C3orf52: variants seen among roughly 807,000 people sequenced by gnomAD.
C3orf52 encodes the protein TPA-induced transmembrane protein.
C3orf52 carries 22 observed loss-of-function variants against 24.8 expected under a neutral mutation model. That is an observed-to-expected ratio of 0.89 (90% CI 0.63 to 1.27). The LOEUF (loss-of-function observed/expected upper bound fraction) is 1.27, where lower values mean the gene tolerates loss of function less well. C3orf52 is among the 50% of genes most tolerant of loss of function. The pLI is 0.00. For synonymous variants in C3orf52, 93 were observed against 100.2 expected, an observed-to-expected ratio of 0.93 and a Z score of 0.43; for missense variants, 265 against 260.7, an observed-to-expected ratio of 1.02 and a Z score of -0.11.
At chr3:112,136,207 T>C in the C3orf52 span, among the ~76,000 whole-genome samples, 1 of 152,260 alleles carries the variant, frequency 6.6e-6, no homozygotes, top group African/African-American at 2.4e-5. Flanking sequence ...AGTCCTCTTA[T>C]GTGAATACTA....
rs376505415 is a variant in C3orf52, at chr3:112,112,997, A to G, written c.501A>G (p.Gln167=). 6.2e-6 allele frequency: 10 copies of G among 1,608,610 alleles called. No homozygotes were observed. Among genetic ancestry groups the G allele is most frequent in the South Asian group, 2.2e-5 (2 of 89,518 alleles). The change falls in exon 5 of 6, where the codon CAA becomes CAG. Residue 167 remains glutamine (Q), a synonymous_variant. Transcript: ENST00000264848. ...GENATVTYDL[Q]FGVPSDDENF... is the part of the protein sequence containing the mutation. The stretch of plus-strand genomic sequence containing the variant: ...ATGCCACAGTAACGTATGACCTGCA[A>G]TTTGGGGTTCCATCAGATGATGAAA...
intron 4 of C3orf52, chr3:112,123,888 C>T (rs957267664): frequency 9.0e-6 from 10 of 1,107,206 alleles, no homozygotes; most frequent in African/African-American, 1.6e-5. Flanking sequence ...CCACCTCCTC[C>T]CCATCTCTTG....
chr3:112,114,420 A>T (rs1202554370), intron 5 of C3orf52, among the ~76,000 whole-genome samples: 1 of 151,468 alleles, frequency 6.6e-6, no homozygotes, highest in Non-Finnish European at 1.5e-5. Context: ...AAAAAAAAAA[A>T]AAGCCAGGCG....
downstream of C3orf52, chr3:112,129,992 C>T (rs1005190735): frequency 8.2e-5 from 13 of 157,962 alleles, no homozygotes; most frequent in Non-Finnish European, 1.7e-4. Context: ...ATGAGGTGGT[C>T]TTTGTTTAAC....
intron 5 of C3orf52, among the ~76,000 whole-genome samples, chr3:112,114,024 C>G (rs2107789839): frequency 6.6e-6 from 1 of 152,288 alleles, no homozygotes; most frequent in South Asian, 2.1e-4. Flanking sequence ...AGTAGGTTCT[C>G]AGTAAATACT....
chr3:112,111,438 A>G (rs2074081866), intron 4 of C3orf52: 1 of 152,256 alleles, frequency 6.6e-6, no homozygotes, highest in African/African-American at 2.4e-5. Flanking sequence ...GAACCTGGAA[A>G]AATGCCCTTT....
chr3:112,125,028 A>G (rs1268474265), intron 4 of C3orf52, among the ~76,000 whole-genome samples: 1 of 152,178 alleles, frequency 6.6e-6, no homozygotes, highest in African/African-American at 2.4e-5. Flanking sequence ...GTTCCTTTCA[A>G]TAAATTATAC....
downstream of C3orf52, chr3:112,134,680 T>G (rs2074532129): frequency 6.6e-6 from 1 of 152,264 alleles, no homozygotes; most frequent in African/African-American, 2.4e-5. Flanking sequence ...TGTGTACAAA[T>G]TTTTATATGT....
intron 1 of C3orf52, among the ~76,000 whole-genome samples, chr3:112,088,279 G>C (rs902330578): frequency 1.3e-5 from 2 of 152,174 alleles, no homozygotes; most frequent in African/African-American, 4.8e-5. Flanking sequence ...AAAATAAAGT[G>C]AAGTGTATTT....
downstream of C3orf52, among the ~76,000 whole-genome samples, chr3:112,135,922 T>C (rs531563072): frequency 7.9e-5 from 12 of 152,204 alleles, no homozygotes; most frequent in Non-Finnish European, 1.6e-4. Flanking sequence ...ACCTTTGCTG[T>C]CATTGTTCTT....
chr3:112,091,618 G>T (rs1175493259), intron 1 of C3orf52, among the ~76,000 whole-genome samples: 4 of 152,182 alleles, frequency 2.6e-5, no homozygotes, highest in Admixed American at 2.6e-4. Flanking sequence ...CTGATGTGCA[G>T]CCAGGCTTGG....
intron 4 of C3orf52, chr3:112,123,659 G>A: frequency 6.2e-7 from 1 of 1,614,148 alleles, no homozygotes; most frequent in Non-Finnish European, 8.5e-7. Context: ...CAGCTTTGCA[G>A]GGAACATTCT....
intron 3 of C3orf52, among the ~76,000 whole-genome samples, chr3:112,105,122 G>A (rs1386203255): frequency 1.3e-5 from 2 of 152,194 alleles, no homozygotes; most frequent in Non-Finnish European, 2.9e-5. Context: ...CTAGGTAGTG[G>A]CAAAAGAACA....
chr3:112,116,269 C>T (rs562059017), intron 5 of C3orf52, among the ~76,000 whole-genome samples: 1 of 152,238 alleles, frequency 6.6e-6, no homozygotes, highest in East Asian at 1.9e-4. Context: ...CCATTTCTCT[C>T]ATCAGAATTT....
downstream of C3orf52, chr3:112,121,924 G>A (rs1202240759): frequency 1.3e-5 from 2 of 152,084 alleles, no homozygotes; most frequent in Non-Finnish European, 2.9e-5. Context: ...CTGGTCCAAG[G>A]GCCTGTCTAG....
rs1280735861 is a variant in C3orf52, at chr3:112,116,742, T to C, written c.*96T>C. On this transcript the variant is annotated 3_prime_UTR_variant, in exon 6 of 6. Transcript: ENST00000264848. ...GTTTTGCAGAAAAGATTCTGTGGAT[T>C]AATACAGAAGCACCAGCAACACCAG... The C allele has an allele frequency of 7.5e-5, 117 of 1,553,622 alleles. No individual in the cohort carries two copies. The highest frequency in any genetic ancestry group is 9.7e-5 in the Non-Finnish European group (111 of 1,148,406).
At chr3:112,105,210 C>T (rs533641733) in intron 3 of C3orf52, among the ~76,000 whole-genome samples, 1 of 152,312 alleles carries the variant, frequency 6.6e-6, no homozygotes, top group East Asian at 1.9e-4. Flanking sequence ...GAAACCAGTG[C>T]ACTTTCTCTG....
chr3:112,088,800 G>A (rs1398694058), intron 1 of C3orf52, among the ~76,000 whole-genome samples: 1 of 152,000 alleles, frequency 6.6e-6, no homozygotes, highest in Non-Finnish European at 1.5e-5. Context: ...TTATAATTAG[G>A]CAATTTAAGT....
chr3:112,093,591 T>A, intron 2 of C3orf52, 102 bp downstream of exon 2: 1 of 1,137,814 alleles, frequency 8.8e-7, no homozygotes, highest in Non-Finnish European at 1.2e-6. Flanking sequence ...ATTTCATTAT[T>A]TATAATGTGA....
Sources: gnomAD v4.1 joint callset for allele counts (sites outside exome capture counted in the v4.1 genomes callset) on GRCh38, gnomAD v4.1.1 for gene constraint, MANE v1.5 for transcripts, NCBI Gene and HGNC (gene_info 2026-07-23, HGNC 2026-07-21) for gene names.